FMN1: variants seen among roughly 807,000 people sequenced by gnomAD.
FMN1 encodes formin 1, also known as formin-1.
In FMN1, 110 loss-of-function variants were observed where a neutral mutation model predicts 132.4. That is an observed-to-expected ratio of 0.83 (90% CI 0.71 to 0.97). The LOEUF (loss-of-function observed/expected upper bound fraction) is 0.97, where lower values mean the gene tolerates loss of function less well. Ranked by LOEUF, FMN1 falls within the 50% of genes least tolerant of loss-of-function variation. The pLI, the probability that FMN1 is intolerant of heterozygous loss-of-function variation, is 0.00. For missense variants in FMN1, 1,792 were observed against 1,705.3 expected, an observed-to-expected ratio of 1.05 and a Z score of -0.90; for synonymous variants, 722 against 651.7, an observed-to-expected ratio of 1.11 and a Z score of -1.64.
chr15:33,059,736 A>T (rs535474512), intron 6 of FMN1, among the ~76,000 whole-genome samples: 1 of 152,322 alleles, frequency 6.6e-6, no homozygotes, highest in South Asian at 2.1e-4. Flanking sequence ...TCATCTGTAA[A>T]ATGAGTAAGT....
At chr15:32,945,365 A>G (rs1033555564) in intron 9 of FMN1, among the ~76,000 whole-genome samples, 1 of 152,194 alleles carries the variant, frequency 6.6e-6, no homozygotes, top group Non-Finnish European at 1.5e-5. Context: ...TTTCTCATAG[A>G]AAGCCAATCC....
rs182866606 is a variant in FMN1, at chr15:32,925,835, C to T, written c.3226+339G>A. 1.1e-3 allele frequency among the ~76,000 whole-genome samples: 161 copies of T among 152,252 alleles called. 2 individuals are homozygous for T. The highest frequency in any genetic ancestry group is 0.01 in the Admixed American group (158 of 15,286). The stretch of plus-strand genomic sequence containing the variant: ...CAGTACTTTGGGAGGCCAAGGTGGG[C>T]AGATTGCATGAGCCCAGGAGTTTGA... On this transcript the variant is annotated intron_variant, in intron 10 of 20. Transcript: ENST00000616417.
chr15:33,006,514 T>C (rs946344987), intron 7 of FMN1, among the ~76,000 whole-genome samples: 1 of 152,158 alleles, frequency 6.6e-6, no homozygotes, highest in Non-Finnish European at 1.5e-5. Context: ...AATTACCATA[T>C]GACCTAGAAA....
At position 32,848,977 on chromosome 15, in the gene FMN1, G is replaced by GTTTTT. The variant is rs71113479; in HGVS notation, c.3928+8033_3928+8037dup. On this transcript the variant is annotated intron_variant, in intron 17 of 20. Transcript: ENST00000616417. ...ATCAGTCTTGGGTTAGTTCTCTTTT[G>GTTTTT]TTTTTTTTTTTTTTTTTTTTTTCAG... 5.1e-3 allele frequency among the ~76,000 whole-genome samples: 455 copies of GTTTTT among 89,562 alleles called. 49 individuals carry two copies. Among genetic ancestry groups the GTTTTT allele is most frequent in the Middle Eastern group, 0.01 (1 of 96 alleles). The allele number at this position is 89,562 out of a possible 152,430, so 58.8% of individuals were successfully genotyped here.
At position 32,768,665 on chromosome 15, in the gene FMN1, C is replaced by A. The variant is rs2056127533; in HGVS notation, c.*5645G>T. 6.6e-6 allele frequency: 1 copy of A among 152,128 alleles called. No individual in the cohort carries two copies. Among genetic ancestry groups the A allele is most frequent in the South Asian group, 2.1e-4 (1 of 4,812 alleles). 9.4% of individuals were successfully genotyped at this position (152,128 alleles called of 1,614,324 possible). A position where few individuals can be genotyped will look rare whatever the true frequency, so the allele number is the denominator to read the frequency against. ...CTGCCTGAAACTATAGTCTTCTTTG[C>A]ATTTTGCTGGCCCAATGTCATCAAG... On this transcript the variant is annotated 3_prime_UTR_variant, in exon 21 of 21. Coordinates refer to ENST00000616417, the MANE Select transcript of FMN1 (RefSeq NM_001277313.2).
At chr15:32,858,871 T>G (rs1056843672) in intron 16 of FMN1, among the ~76,000 whole-genome samples, 7 of 152,218 alleles carry the variant, frequency 4.6e-5, no homozygotes. Context: ...TCACCTCTTT[T>G]GAAATAGATG....
chr15:33,098,746 G>A (rs974474926), intron 4 of FMN1, among the ~76,000 whole-genome samples: 15 of 152,180 alleles, frequency 9.9e-5, no homozygotes, highest in Admixed American at 6.5e-5. Flanking sequence ...TCAAGATTTT[G>A]GAGATGGCTA....
At chr15:32,857,849 C>T (rs567757434) in intron 16 of FMN1, among the ~76,000 whole-genome samples, 1 of 152,254 alleles carries the variant, frequency 6.6e-6, no homozygotes, top group South Asian at 2.1e-4. Flanking sequence ...AATCATAGTT[C>T]ACCATCACAA....
At chr15:32,821,108 T>TTTTTTTTTTTTTTTTTTTTTTTTTTG (rs1229243106) in intron 17 of FMN1, among the ~76,000 whole-genome samples, 3 of 150,626 alleles carry the variant, frequency 2.0e-5, no homozygotes, top group Admixed American at 6.7e-5. Flanking sequence ...ACAGATTTTC[T>TTTTTTTTTTTTTTTTTTTTTTTTTTG]AAGATACAAT....
At chr15:33,029,228 T>C (rs750140662) in intron 6 of FMN1, among the ~76,000 whole-genome samples, 2 of 151,894 alleles carry the variant, frequency 1.3e-5, no homozygotes, top group African/African-American at 2.4e-5. Context: ...CTCAGCTCCA[T>C]ATGCAGGTGG....
At chr15:33,021,840 C>T (rs2035432306) in intron 6 of FMN1, among the ~76,000 whole-genome samples, 2 of 152,212 alleles carry the variant, frequency 1.3e-5, no homozygotes, top group South Asian at 4.1e-4. Context: ...GTCCCTAAAA[C>T]TTACAATCTC....
At chr15:32,875,023 C>G (rs1032244882) in intron 16 of FMN1, among the ~76,000 whole-genome samples, 2 of 152,182 alleles carry the variant, frequency 1.3e-5, no homozygotes, top group African/African-American at 4.8e-5. Flanking sequence ...CCAGCGGGTC[C>G]TGGTCCTCCA....
intron 2 of FMN1, among the ~76,000 whole-genome samples, chr15:33,189,491 A>G (rs1395500412): frequency 6.6e-6 from 1 of 152,244 alleles, no homozygotes; most frequent in African/African-American, 2.4e-5. Flanking sequence ...CTTGCTTTTC[A>G]CTATATTCAT....
intron 7 of FMN1, among the ~76,000 whole-genome samples, chr15:32,996,768 C>A (rs1434816417): frequency 1.3e-5 from 2 of 152,032 alleles, no homozygotes; most frequent in Admixed American, 1.3e-4. Context: ...CTATGAATTC[C>A]AAAGTCTATG....
intron 5 of FMN1, among the ~76,000 whole-genome samples, chr15:33,080,622 G>A (rs1051180082): frequency 2.0e-5 from 3 of 151,860 alleles, no homozygotes; most frequent in Non-Finnish European, 4.4e-5. Flanking sequence ...CATAATGGCG[G>A]GTGCCTGTAA....
intron 3 of FMN1, among the ~76,000 whole-genome samples, chr15:33,170,357 A>C (rs910812345): frequency 2.0e-5 from 3 of 152,180 alleles, no homozygotes; most frequent in Non-Finnish European, 2.9e-5. Flanking sequence ...GACTAGGCAA[A>C]GATTTTATGG....
chr15:33,008,085 CA>C lies in FMN1; in HGVS notation c.2162-11del. On this transcript the variant is annotated splice_polypyrimidine_tract_variant and intron_variant, in intron 6 of 20. Transcript: ENST00000616417. ...ATAGCAGCTTGGTATTCTGTAAAAT[CA>C]AAAAAGAGGCCAATTATAAAGAAGT... 6.3e-7 allele frequency: 1 copy of C among 1,583,460 alleles called. No homozygotes were observed. Among genetic ancestry groups the C allele is most frequent in the Non-Finnish European group, 8.6e-7 (1 of 1,163,304 alleles).
intron 17 of FMN1, among the ~76,000 whole-genome samples, chr15:32,808,414 G>A (rs1177266095): frequency 6.6e-6 from 1 of 152,222 alleles, no homozygotes; most frequent in Admixed American, 6.5e-5. Context: ...TTGCAGTCAG[G>A]TCTTTGACAG....
intron 16 of FMN1, among the ~76,000 whole-genome samples, chr15:32,861,888 T>C (rs558396988): frequency 1.6e-4 from 25 of 152,226 alleles, no homozygotes; most frequent in Admixed American, 1.5e-3. Context: ...CTTCGCGGTT[T>C]TGAAATTAGA....
Sources: allele counts gnomAD v4.1 joint callset (sites outside exome capture counted in the v4.1 genomes callset), GRCh38; gene constraint gnomAD v4.1.1; transcripts MANE v1.5; gene names NCBI Gene and HGNC (gene_info 2026-07-23, HGNC 2026-07-21).